DOK7: variants seen among roughly 807,000 people sequenced by gnomAD.
DOK7 encodes the protein protein Dok-7.
In DOK7, 32 loss-of-function variants were observed where a neutral mutation model predicts 30.7. The observed-to-expected ratio is 1.04, with a 90% CI of 0.79 to 1.40. The LOEUF (loss-of-function observed/expected upper bound fraction) is 1.40, where lower values mean the gene tolerates loss of function less well. Among genes scored for constraint, DOK7 ranks in the 40% most tolerant of loss-of-function variants. The pLI, the probability that DOK7 is intolerant of heterozygous loss-of-function variation, is 0.00. For synonymous variants in DOK7, 447 were observed against 324.1 expected, an observed-to-expected ratio of 1.38 and a Z score of -4.07; for missense variants, 1,007 against 699.2, an observed-to-expected ratio of 1.44 and a Z score of -4.97.
At chr4:3,486,772 G>C (rs185265397) in intron 5 of DOK7, among the ~76,000 whole-genome samples, 10 of 152,184 alleles carry the variant, frequency 6.6e-5, no homozygotes, top group African/African-American at 2.4e-4. Context: ...GCAGGCAGGT[G>C]TGGATGGTGT....
chr4:3,497,425 G>A (rs1728973856), downstream of DOK7, among the ~76,000 whole-genome samples: 2 of 152,130 alleles, frequency 1.3e-5, no homozygotes, highest in East Asian at 1.9e-4. Flanking sequence ...CAGGCAGGGA[G>A]GCAGTGGGAA....
downstream of DOK7, among the ~76,000 whole-genome samples, chr4:3,498,635 C>T (rs150585332): frequency 2.0e-5 from 3 of 152,166 alleles, no homozygotes; most frequent in Admixed American, 6.5e-5. Context: ...CCACCACCCC[C>T]TCTTGGCCTA....
downstream of DOK7, among the ~76,000 whole-genome samples, chr4:3,497,413 G>A (rs1024367807): frequency 6.6e-6 from 1 of 151,840 alleles, no homozygotes; most frequent in Non-Finnish European, 1.5e-5. Context: ...GGGAGGGAGG[G>A]CCAGGCAGGG....
chr4:3,485,862 G>A (rs1727747757), intron 5 of DOK7, among the ~76,000 whole-genome samples: 1 of 152,260 alleles, frequency 6.6e-6, no homozygotes, highest in African/African-American at 2.4e-5. Flanking sequence ...AGCGGGGGCT[G>A]GGCTCGTACC....
intron 2 of DOK7, among the ~76,000 whole-genome samples, chr4:3,469,946 G>A (rs1252933808): frequency 6.6e-6 from 1 of 152,216 alleles, no homozygotes; most frequent in Non-Finnish European, 1.5e-5. Flanking sequence ...GTTCATGTTT[G>A]AAAATGAAAT....
chr4:3,497,342 G>A (rs1208390305), downstream of DOK7, among the ~76,000 whole-genome samples: 1 of 152,076 alleles, frequency 6.6e-6, no homozygotes, highest in African/African-American at 2.4e-5. Flanking sequence ...GGCTGGTGGT[G>A]AGCGACTCGG....
intron 2 of DOK7, among the ~76,000 whole-genome samples, chr4:3,471,600 C>T (rs541821424): frequency 1.6e-4 from 24 of 152,370 alleles, no homozygotes; most frequent in African/African-American, 3.4e-4. Context: ...CGGAGCCACC[C>T]GTGTTCATGC....
intron 4 of DOK7, among the ~76,000 whole-genome samples, chr4:3,477,852 C>T (rs1267378386): frequency 6.6e-6 from 1 of 152,012 alleles, no homozygotes; most frequent in Non-Finnish European, 1.5e-5. Flanking sequence ...GGGGGTGGTT[C>T]CCGGGAGAGC....
At chr4:3,496,816 C>G (rs1728935487), downstream of DOK7, 1 of 1,535,026 alleles carries the variant, frequency 6.5e-7, no homozygotes, top group Admixed American at 2.0e-5. Context: ...TCTCTTTGGT[C>G]TAGGGAGCGG....
intron 6 of DOK7, among the ~76,000 whole-genome samples, chr4:3,500,057 G>C (rs1415935270): frequency 2.9e-5 from 1 of 35,026 alleles, no homozygotes; most frequent in Non-Finnish European, 7.4e-5. Flanking sequence ...GGACAGTGTG[G>C]GGGGGGCCTC....
chr4:3,487,903 A>G (rs1156487286), intron 5 of DOK7, among the ~76,000 whole-genome samples: 1 of 152,066 alleles, frequency 6.6e-6, no homozygotes, highest in Non-Finnish European at 1.5e-5. Context: ...TTCAGCCTGG[A>G]CCCTCAGTGC....
intron 4 of DOK7, among the ~76,000 whole-genome samples, chr4:3,483,831 G>C (rs980045050): frequency 6.6e-6 from 1 of 152,210 alleles, no homozygotes; most frequent in African/African-American, 2.4e-5. Flanking sequence ...CCAGCCAGCA[G>C]ACAGCATGAC....
At chr4:3,476,130 ATGATGCCCTCTCGCCCCGCCTGACCG>A (rs1461055763) in intron 3 of DOK7, among the ~76,000 whole-genome samples, 186 bp from the exon 4 acceptor site, 9 of 115,894 alleles carry the variant, frequency 7.8e-5, no homozygotes, top group Middle Eastern at 5.0e-3. Context: ...GCCTCCTCTC[ATGATGCCCTCTCGCCCCGCCTGACCG>A]TGATGCCCTC....
At chr4:3,499,427 C>A (rs1438945437), downstream of DOK7, among the ~76,000 whole-genome samples, 1 of 152,222 alleles carries the variant, frequency 6.6e-6, no homozygotes, top group Non-Finnish European at 1.5e-5. Flanking sequence ...GGAGGAGGCA[C>A]TGGAGAACGG....
At position 3,492,829 on chromosome 4, in the gene DOK7, C is replaced by T; in HGVS notation, c.843C>T (p.Leu281=). ...TGGACGTCAGCGCCAGCAGCCGGCT[C>T]ACCGCATGGCCAGAGCAATCCTCGT... is the stretch of plus-strand genomic sequence containing the variant. ...SHLDVSASSR[L]TAWPEQSSSS... The change falls in exon 7 of 7, where the codon CTC becomes CTT. Residue 281 remains leucine, a synonymous_variant. Coordinates refer to ENST00000340083, the MANE Select transcript of DOK7 (RefSeq NM_173660.5). 6.2e-7 allele frequency: 1 copy of T among 1,612,546 alleles called. No homozygotes were observed. Among genetic ancestry groups the T allele is most frequent in the South Asian group, 1.1e-5 (1 of 91,062 alleles).
chr4:3,495,525 C>T (rs560426645), downstream of DOK7, among the ~76,000 whole-genome samples: 10 of 152,354 alleles, frequency 6.6e-5, no homozygotes, highest in African/African-American at 1.7e-4. Flanking sequence ...CCTCTCCTCA[C>T]GATGCTCGTG....
intron 3 of DOK7, among the ~76,000 whole-genome samples, 160 bp downstream of exon 3, chr4:3,473,796 G>T (rs1377336816): frequency 6.6e-6 from 1 of 152,208 alleles, no homozygotes; most frequent in Non-Finnish European, 1.5e-5. Context: ...CAGCCTGGGG[G>T]TGCCCACGAG....
rs1002056172 is a variant in DOK7 at position 3,493,674 on chromosome 4, G to A, written c.*173G>A. ...CCCTGTGGCTGCCACCGGAGGAAGG[G>A]GCTGACTTGGGGAGGTGAGTTCTGG... On this transcript the variant is annotated 3_prime_UTR_variant, in exon 7 of 7. Transcript: ENST00000340083. 40 of 1,451,006 alleles carry A rather than the reference G, an allele frequency of 2.8e-5. No individual in the cohort carries two copies. The highest frequency in any genetic ancestry group is 3.6e-5 in the Non-Finnish European group (40 of 1,102,242). The allele number at this position is 1,451,006 out of a possible 1,614,324, so 89.9% of individuals were successfully genotyped here. A position where few individuals can be genotyped will look rare whatever the true frequency, so the allele number is the denominator to read the frequency against.
Position 3,493,438 on chromosome 4 carries a change from A to G in DOK7, c.1452A>G (p.Pro484=), listed in dbSNP as rs1462346774. The change falls in exon 7 of 7, where the codon CCA becomes CCG. Residue 484 remains proline, a synonymous_variant. Transcript: ENST00000340083. ...PWEAGGPHAG[P]PPAFFSACPV... ...AAGCAGGCGGCCCCCACGCGGGGCCACCCCCGGCTTTCTTTTCGGCATGTC... is the reference window on the plus strand; with the variant it reads ...AAGCAGGCGGCCCCCACGCGGGGCCGCCCCCGGCTTTCTTTTCGGCATGTC... 3 of 1,606,486 alleles carry G rather than the reference A, an allele frequency of 1.9e-6. No individual in the cohort carries two copies. In the Admixed American group the frequency reaches 5.0e-5, roughly 27 times the overall value.
Sources: gnomAD v4.1 joint callset for allele counts (sites outside exome capture counted in the v4.1 genomes callset) on GRCh38, gnomAD v4.1.1 for gene constraint, MANE v1.5 for transcripts, NCBI Gene and HGNC (gene_info 2026-07-23, HGNC 2026-07-21) for gene names.